GART: variants seen among roughly 807,000 people sequenced by gnomAD.
GART encodes trifunctional purine biosynthetic protein adenosine-3.
In GART, 43 loss-of-function variants were observed where a neutral mutation model predicts 107.2. The observed-to-expected ratio is 0.40, with a 90% CI of 0.31 to 0.52. GART has a LOEUF of 0.52. GART is among the 20% of genes least tolerant of loss of function. GART has a pLI of 0.52. For synonymous variants in GART, 434 were observed against 427.0 expected, an observed-to-expected ratio of 1.02 and a Z score of -0.20; for missense variants, 1,107 against 1,206.5, an observed-to-expected ratio of 0.92 and a Z score of 1.22.
At chr21:33,506,137 ACT>A in intron 18 of GART, 33 bp from the exon 19 acceptor site, 1 of 1,578,174 alleles carries the variant, frequency 6.3e-7, no homozygotes, top group Non-Finnish European at 8.6e-7. Context: ...GTGAGCTCAT[ACT>A]ACTACTTCTT....
chr21:33,511,591 C>T, intron 16 of GART, 133 bp from the exon 17 acceptor site: 1 of 896,694 alleles, frequency 1.1e-6, no homozygotes, highest in East Asian at 2.5e-5. Flanking sequence ...TATAAATTGG[C>T]CTCTGAGAAC....
intron 11 of GART, among the ~76,000 whole-genome samples, chr21:33,522,838 T>C (rs2084997618): frequency 1.3e-5 from 2 of 152,188 alleles, no homozygotes; most frequent in Admixed American, 6.5e-5. Context: ...ATACTGACAT[T>C]TTGCTGCAAC....
chr21:33,512,267 G>C (rs887491081), intron 16 of GART, among the ~76,000 whole-genome samples: 43 of 118,800 alleles, frequency 3.6e-4, no homozygotes, highest in African/African-American at 1.3e-3. Flanking sequence ...CTGGTGGACA[G>C]AGTGAGACTC....
At chr21:33,525,089 T>TC in intron 10 of GART, 89 bp from the exon 11 acceptor site, 1 of 1,461,566 alleles carries the variant, frequency 6.8e-7, no homozygotes, top group East Asian at 2.5e-5. Context: ...AGTTTCTTTT[T>TC]TTTTTTTTTT....
In GART at chr21:33,528,312, A is replaced by G; in HGVS notation, c.921T>C (p.Ser307=). 1 of 1,614,078 alleles carries G rather than the reference A, an allele frequency of 6.2e-7. No individual in the cohort carries two copies. Among genetic ancestry groups the G allele is most frequent in the South Asian group, 1.1e-5 (1 of 91,050 alleles). Residue 307 remains serine, a synonymous_variant, in exon 10 of 22, where the codon AGT becomes AGC. Coordinates refer to ENST00000381815, the MANE Select transcript of GART (RefSeq NM_000819.5). ...ECQVILPLLK[S]DLYEVIQSTL... ...TGGACTGAATCACTTCATAAAGATC[A>G]CTTTTAAGAAGTGGGAGGATTACCT...
chr21:33,514,655 G>T (rs576672200), intron 16 of GART, among the ~76,000 whole-genome samples: 1 of 152,240 alleles, frequency 6.6e-6, no homozygotes, highest in South Asian at 2.1e-4. Context: ...GATGATGAAT[G>T]AACTACTTAT....
rs148170440 is a variant in GART, at chr21:33,509,911, C to G, written c.2324G>C (p.Arg775Pro). The G allele has an allele frequency of 3.7e-6, 6 of 1,610,088 alleles. No homozygotes were observed. Among genetic ancestry groups the G allele is most frequent in the African/African-American group, 1.3e-5 (1 of 74,640 alleles). The part of the protein sequence containing the change: ...SVVARAEGSP[R>P]VKVKNLIESM... ...TTCAATCAGATTCTTGACTTTCACA[C>G]GTGGGGAACCTTCATTTCAAACATA... Residue 775 changes from arginine (R) to proline (P), a missense_variant, in exon 18 of 22, where the codon CGT becomes CCT. Arg to Pro is a moderately radical substitution (Grantham distance 103). Coordinates refer to ENST00000381815, the MANE Select transcript of GART (RefSeq NM_000819.5).
intron 13 of GART, 155 bp from the exon 14 acceptor site, chr21:33,520,717 A>G (rs1290016500): frequency 2.8e-6 from 2 of 713,078 alleles, no homozygotes; most frequent in Non-Finnish European, 4.6e-6. Context: ...CCTCTAAAGT[A>G]CCCTTCCATC....
chr21:33,532,594 A>T (rs2085214123), intron 4 of GART, 138 bp from the exon 5 acceptor site: 11 of 676,034 alleles, frequency 1.6e-5, no homozygotes, highest in Non-Finnish European at 2.8e-5. Context: ...ATTCCAACAC[A>T]TTTTGATGTA....
chr21:33,525,868 CCTT>C (rs1465438290), intron 10 of GART, among the ~76,000 whole-genome samples: 1 of 148,804 alleles, frequency 6.7e-6, no homozygotes, highest in South Asian at 2.1e-4. Flanking sequence ...AAGGGAACTT[CCTT>C]TTTTTTTTTT....
chr21:33,536,079 A>G (rs2085299653), intron 2 of GART, among the ~76,000 whole-genome samples: 1 of 152,188 alleles, frequency 6.6e-6, no homozygotes, highest in South Asian at 2.1e-4. Context: ...TATACTTAAC[A>G]TGTTTACAAT....
chr21:33,524,471 G>A lies in GART; in HGVS notation c.1298+298C>T, dbSNP rs188445724. The A allele has an allele frequency of 2.1e-5, 15 of 702,374 alleles. No individual in the cohort carries two copies. In the East Asian group the frequency reaches 3.6e-4, roughly 17 times the overall value. 43.5% of individuals were successfully genotyped at this position (702,374 alleles called of 1,614,324 possible). On this transcript the variant is annotated intron_variant, in intron 11 of 21. Coordinates refer to ENST00000381815, the MANE Select transcript of GART (RefSeq NM_000819.5). ...GAGGCTGAGGCATGAGAACTTGGGCGAGAGAGGAAGACCCTGTTAAAAAAA... is the reference window on the plus strand; with the variant it reads ...GAGGCTGAGGCATGAGAACTTGGGCAAGAGAGGAAGACCCTGTTAAAAAAA...
chr21:33,541,640 G>C (rs1245783927), intron 1 of GART, among the ~76,000 whole-genome samples: 1 of 152,158 alleles, frequency 6.6e-6, no homozygotes, highest in African/African-American at 2.4e-5. Context: ...GACCTTGGGG[G>C]ACTTCACTAA....
At chr21:33,541,844 A>G (rs1295366248) in intron 1 of GART, among the ~76,000 whole-genome samples, 1 of 152,210 alleles carries the variant, frequency 6.6e-6, no homozygotes, top group Non-Finnish European at 1.5e-5. Context: ...AAGACACAAA[A>G]AGGCCTTGAC....
chr21:33,508,050 TG>T (rs1262513385), intron 18 of GART, among the ~76,000 whole-genome samples: 1 of 152,134 alleles, frequency 6.6e-6, no homozygotes, highest in Non-Finnish European at 1.5e-5. Context: ...CCCTTCCTCT[TG>T]GGATAATGGA....
At chr21:33,525,827 A>C (rs2145728015) in intron 10 of GART, among the ~76,000 whole-genome samples, 1 of 151,582 alleles carries the variant, frequency 6.6e-6, no homozygotes, top group South Asian at 2.1e-4. Flanking sequence ...AAAATCCTGC[A>C]TCTGATCACA....
chr21:33,531,201 G>A, intron 6 of GART: 1 of 405,494 alleles, frequency 2.5e-6, no homozygotes, highest in Admixed American at 4.3e-5. Flanking sequence ...TTTATTTATT[G>A]TGCAATAAAC....
chr21:33,515,571 C>T (rs577487763), intron 16 of GART, among the ~76,000 whole-genome samples: 3 of 129,378 alleles, frequency 2.3e-5, no homozygotes, highest in East Asian at 2.7e-4. Context: ...ATCCAGGAGG[C>T]GGAGGTTGCA....
intron 1 of GART, among the ~76,000 whole-genome samples, chr21:33,540,652 C>T (rs908560529): frequency 1.3e-5 from 2 of 152,132 alleles, no homozygotes; most frequent in Non-Finnish European, 2.9e-5. Context: ...TACAATCTGG[C>T]ACTCAGCAGT....
Sources: allele counts gnomAD v4.1 joint callset (sites outside exome capture counted in the v4.1 genomes callset), GRCh38; gene constraint gnomAD v4.1.1; transcripts MANE v1.5; gene names NCBI Gene and HGNC (gene_info 2026-07-23, HGNC 2026-07-21).